Variants in FSIP2 observed in about 807,000 individuals in gnomAD.
FSIP2 encodes the protein fibrous sheath interacting protein 2, also known as fibrous sheath-interacting protein 2.
Under a neutral mutation model 510.5 loss-of-function variants are expected in FSIP2, and 367 were observed. The observed-to-expected ratio is 0.72, with a 90% CI of 0.66 to 0.78. The LOEUF is 0.78. FSIP2 is among the 30% of genes least tolerant of loss of function. The probability of loss-of-function intolerance (pLI) is 0.00; values close to 1 mark genes in which losing one functional copy is unlikely to be tolerated. For synonymous variants in FSIP2, 2,601 were observed against 2,732.2 expected (o/e 0.95, Z 1.50); for missense variants, 7,594 against 7,901.7 (o/e 0.96, Z 1.48).
rs147238187 is a variant in FSIP2, at chr2:185,802,732, C to T, written c.13426C>T (p.Leu4476=). Residue 4476 remains leucine (L), a synonymous_variant, in exon 17 of 23, where the codon CTA becomes TTA. Transcript: ENST00000424728. ...ATTTTTAGAAGATATGATCAGAGTA[C>T]TATTATCTAAATTATTTTCTTCTGC... ...YTFLEDMIRV[L]LSKLFSSASS... 204 of 1,515,242 alleles carry T rather than the reference C, an allele frequency of 1.3e-4. 3 individuals carry two copies. The East Asian group carries it at 2.1e-3, about 16-fold the overall frequency. 93.9% of individuals were successfully genotyped at this position (1,515,242 alleles called of 1,614,324 possible).
rs199555227 is a variant in FSIP2 at position 185,802,373 on chromosome 2, A to G, written c.13067A>G (p.Asp4356Gly). Residue 4356 changes from aspartate to glycine, a missense_variant, in exon 17 of 23, where the codon GAT becomes GGT. Coordinates refer to ENST00000424728, the MANE Select transcript of FSIP2 (RefSeq NM_173651.4). ...FNKAKIHILY[D>G]DKEQAFFSFN... ...AAAGCTAAAATTCACATTCTCTATG[A>G]TGACAAAGAACAGGCTTTCTTTTCT... 131 of 1,532,798 alleles carry G rather than the reference A, an allele frequency of 8.5e-5. No homozygotes were observed. Among genetic ancestry groups the G allele is most frequent in the Middle Eastern group, 5.0e-4 (3 of 5,968 alleles). 94.9% of individuals were successfully genotyped at this position (1,532,798 alleles called of 1,614,324 possible). A position where few individuals can be genotyped will look rare whatever the true frequency, so the allele number is the denominator to read the frequency against.
At chr2:185,756,129 C>A (rs565639916) in intron 8 of FSIP2, 63 bp from the exon 9 acceptor site, 2 of 599,664 alleles carry the variant, frequency 3.3e-6, no homozygotes, top group Admixed American at 3.1e-5. Context: ...GATAAGTAGT[C>A]TATCTTGGGT....
rs947905970 is a variant in FSIP2, at chr2:185,785,270, C to T, written c.1470-982C>T. ...TGTCACTGACATCAGCTTTCATGCT[C>T]CTAGTTGAATACTGCCAAAAGGTAC... On this transcript the variant is annotated intron_variant, in intron 14 of 22. Transcript: ENST00000424728. Among the ~76,000 whole-genome samples the T allele has an allele frequency of 3.3e-5, 5 of 152,046 alleles. 1 individual carries two copies. The highest frequency in any genetic ancestry group is 1.2e-4 in the African/African-American group (5 of 41,436).
Position 185,789,959 on chromosome 2 carries a change from C to G in FSIP2, c.2823C>G (p.Ile941Met), listed in dbSNP as rs1318589475. 2 of 1,534,104 alleles carry G rather than the reference C, an allele frequency of 1.3e-6. No homozygotes were observed. Among genetic ancestry groups the G allele is most frequent in the South Asian group, 1.2e-5 (1 of 84,024 alleles). Residue 941 changes from isoleucine (I) to methionine (M), a missense_variant, in exon 16 of 23, where the codon ATC (isoleucine) becomes ATG (methionine). Transcript: ENST00000424728. ...TVVLLQLLED[I>M]LFQLHQEPVN... ...TACTCCTTCAGCTACTTGAGGACAT[C>G]CTTTTTCAGCTCCATCAGGAACCAG...
Position 185,792,420 on chromosome 2 carries a change from T to G in FSIP2, c.5284T>G (p.Leu1762Val), listed in dbSNP as rs769949857. The change falls in exon 16 of 23, where the codon TTA (leucine) becomes GTA (valine). Residue 1762 changes from leucine (L) to valine (V), a missense_variant. Transcript: ENST00000424728. The stretch of plus-strand genomic sequence containing the variant: ...TAAACAATGGGCTCTCGAAAAAACC[T>G]TAAACAAAATTGAAGTAAAACTCAA... ...SLKQWALEKT[L>V]NKIEVKLKEP... 36 of 1,533,790 alleles carry G rather than the reference T, an allele frequency of 2.3e-5. No individual in the cohort carries two copies. In the South Asian group the frequency reaches 4.3e-4, roughly 18 times the overall value.
chr2:185,794,234 CTT>C lies in FSIP2; in HGVS notation c.7099_7100del (p.Leu2367ArgfsTer24). On this transcript the variant is annotated frameshift_variant, in exon 16 of 23. Transcript: ENST00000424728. LOFTEE classifies it high-confidence loss of function. ...SAILKLIKNDLDLEIQKIYPY... is the reference protein window; with the variant it reads ...SAILKLIKNDXDLEIQKIYPY... ...CCATTTTGAAGCTTATTAAAAATGA[CTT>C]AGACTTAGAAATTCAAAAGATATAT... 6.5e-7 allele frequency: 1 copy of C among 1,534,030 alleles called. No homozygotes were observed. Among genetic ancestry groups the C allele is most frequent in the Non-Finnish European group, 8.7e-7 (1 of 1,145,538 alleles).
rs191673129 is a variant in FSIP2 at position 185,743,368 on chromosome 2, C to G, written c.387+74C>G. ...TTGATATAAACTTGTTTCTGTACCT[C>G]ACTCGGGGGGCCTGTGTCACTTTTA... On this transcript the variant is annotated intron_variant, in intron 3 of 22. Coordinates refer to ENST00000424728, the MANE Select transcript of FSIP2 (RefSeq NM_173651.4). 6.5e-6 allele frequency: 6 copies of G among 926,024 alleles called. No individual in the cohort carries two copies. In the East Asian group the frequency reaches 1.8e-4, roughly 28 times the overall value. 57.4% of individuals were successfully genotyped at this position (926,024 alleles called of 1,614,324 possible).
intron 13 of FSIP2, among the ~76,000 whole-genome samples, chr2:185,775,940 G>C (rs889007766): frequency 6.6e-6 from 1 of 152,210 alleles, no homozygotes; most frequent in African/African-American, 2.4e-5. Flanking sequence ...TGGGATTACA[G>C]GCGTGAGCCA....
intron 13 of FSIP2, among the ~76,000 whole-genome samples, chr2:185,777,478 CTTCT>C (rs1179205180): frequency 3.6e-5 from 5 of 138,212 alleles, no homozygotes; most frequent in Non-Finnish European, 6.2e-5. Context: ...GGCTCCTTGT[CTTCT>C]TTCTTAATTA....
At position 185,805,113 on chromosome 2, in the gene FSIP2, T is replaced by C; in HGVS notation, c.15807T>C (p.Pro5269=). ...LAKSGKEKTQ[P]SLYSATFLED... ...AATCTGGTAAAGAAAAGACACAGCC[T>C]TCTCTCTATTCAGCTACATTTTTGG... Residue 5269 remains proline, a synonymous_variant, in exon 17 of 23, where the codon CCT becomes CCC. Coordinates refer to ENST00000424728, the MANE Select transcript of FSIP2 (RefSeq NM_173651.4). 1.2e-6 allele frequency: 2 copies of C among 1,609,014 alleles called. No individual in the cohort carries two copies. The highest frequency in any genetic ancestry group is 2.2e-5 in the South Asian group (2 of 90,542).
Position 185,761,960 on chromosome 2 carries a change from G to C in FSIP2, c.1195-12G>C, listed in dbSNP as rs1000200184. On this transcript the variant is annotated splice_polypyrimidine_tract_variant and intron_variant, in intron 10 of 22. Coordinates refer to ENST00000424728, the MANE Select transcript of FSIP2 (RefSeq NM_173651.4). ...TAATGTAATTTTTTCTCTTCAATGT[G>C]GTACCATGTAGAGAGATGGGATGGT... The C allele has an allele frequency of 3.5e-6, 5 of 1,438,768 alleles. No individual in the cohort carries two copies. The highest frequency in any genetic ancestry group is 4.7e-6 in the Non-Finnish European group (5 of 1,067,066). 89.1% of individuals were successfully genotyped at this position (1,438,768 alleles called of 1,614,324 possible).
Position 185,796,921 on chromosome 2 carries a change from G to A in FSIP2, c.9785G>A (p.Ser3262Asn), listed in dbSNP as rs1223301745. The change falls in exon 16 of 23, where the codon AGC becomes AAC. Residue 3262 changes from serine to asparagine, a missense_variant. Ser to Asn is a conservative substitution (Grantham distance 46). Coordinates refer to ENST00000424728, the MANE Select transcript of FSIP2 (RefSeq NM_173651.4). ...TTTGATCAGACCATGAAAGGAAATA[G>A]CTACCTCCCTGAAGGCAGTTTCTTA... ...GSFDQTMKGN[S>N]YLPEGSFLQK... 1.3e-6 allele frequency: 2 copies of A among 1,534,800 alleles called. No individual in the cohort carries two copies. Among genetic ancestry groups the A allele is most frequent in the African/African-American group, 2.7e-5 (2 of 72,900 alleles).
intron 2 of FSIP2, among the ~76,000 whole-genome samples, chr2:185,742,594 A>G (rs1280555056): frequency 2.0e-5 from 3 of 152,190 alleles, no homozygotes; most frequent in Non-Finnish European, 2.9e-5. Context: ...AAAAACCTCA[A>G]GATGCAATGA....
intron 13 of FSIP2, among the ~76,000 whole-genome samples, chr2:185,772,011 C>T (rs1692616437): frequency 1.3e-5 from 2 of 152,208 alleles, no homozygotes; most frequent in Non-Finnish European, 1.5e-5. Context: ...CAACCTTCCA[C>T]AAATGCCCAG....
At position 185,789,252 on chromosome 2, in the gene FSIP2, G is replaced by A; in HGVS notation, c.2116G>A (p.Val706Met). ...ATGTTACTTGAAAGGGGAAACTGAA[G>A]TGATTTTAGAAAGCATTTTGCGAGA... The part of the protein sequence containing the change: ...FKCYLKGETE[V>M]ILESILREIM... The change falls in exon 16 of 23, where the codon GTG (valine) becomes ATG (methionine). Residue 706 changes from valine (V) to methionine (M), a missense_variant. Coordinates refer to ENST00000424728, the MANE Select transcript of FSIP2 (RefSeq NM_173651.4). 6.5e-7 allele frequency: 1 copy of A among 1,534,530 alleles called. No individual in the cohort carries two copies. The highest frequency in any genetic ancestry group is 8.7e-7 in the Non-Finnish European group (1 of 1,145,882).
At position 185,800,760 on chromosome 2, in the gene FSIP2, C is replaced by T. The variant is rs1693414141; in HGVS notation, c.11454C>T (p.Tyr3818=). 6.5e-7 allele frequency: 1 copy of T among 1,533,696 alleles called. No individual in the cohort carries two copies. The highest frequency in any genetic ancestry group is 1.4e-5 in the African/African-American group (1 of 72,866). ...ACTGTGAATGCCTTCAAGTAGATTA[C>T]ATGTCAGACCTTTTGGAGAATGTGG... ...GMDCECLQVD[Y]MSDLLENVAE... Residue 3818 remains tyrosine (Y), a synonymous_variant, in exon 17 of 23, where the codon TAC becomes TAT. Coordinates refer to ENST00000424728, the MANE Select transcript of FSIP2 (RefSeq NM_173651.4).
intron 17 of FSIP2, 104 bp downstream of exon 17, chr2:185,809,237 G>C: frequency 7.7e-7 from 1 of 1,291,008 alleles, no homozygotes; most frequent in Non-Finnish European, 1.0e-6. Flanking sequence ...CATTGTTGTT[G>C]GTGTTTCTCA....
In FSIP2 at chr2:185,793,051, C is replaced by G; in HGVS notation, c.5915C>G (p.Ser1972Cys). The G allele has an allele frequency of 1.3e-6, 2 of 1,534,332 alleles. No individual in the cohort carries two copies. Among genetic ancestry groups the G allele is most frequent in the Non-Finnish European group, 1.7e-6 (2 of 1,145,654 alleles). ...GCATTATCAGCCAAAGATTCATATT[C>G]TGATGAGCAATTTTCCTGTTGCTCA... ...SKALSAKDSYSDEQFSCCSVD... is the reference protein window; with the variant it reads ...SKALSAKDSYCDEQFSCCSVD... Residue 1972 changes from serine to cysteine, a missense_variant, in exon 16 of 23, where the codon TCT becomes TGT. Coordinates refer to ENST00000424728, the MANE Select transcript of FSIP2 (RefSeq NM_173651.4).
In FSIP2 at chr2:185,833,084, C is replaced by T; in HGVS notation, c.20588-6C>T. On this transcript the variant is annotated splice_region_variant and splice_polypyrimidine_tract_variant and intron_variant, in intron 22 of 22. Coordinates refer to ENST00000424728, the MANE Select transcript of FSIP2 (RefSeq NM_173651.4). ...ATATCATTCTTCTTGTTTACTTTGT[C>T]CACAGAAACTCCCAAGCCCGATGTC... is the stretch of plus-strand genomic sequence containing the variant. 1 of 1,609,192 alleles carries T rather than the reference C, an allele frequency of 6.2e-7. No individual in the cohort carries two copies. The highest frequency in any genetic ancestry group is 8.5e-7 in the Non-Finnish European group (1 of 1,176,970).
Sources: allele counts gnomAD v4.1 joint callset (sites outside exome capture counted in the v4.1 genomes callset), GRCh38; gene constraint gnomAD v4.1.1; transcripts MANE v1.5; gene names NCBI Gene and HGNC (gene_info 2026-07-23, HGNC 2026-07-21).